Variants in ROBO1 observed in about 807,000 individuals in gnomAD.
ROBO1 encodes roundabout homolog 1.
ROBO1 carries 149 observed loss-of-function variants against 195.9 expected under a neutral mutation model. The ratio of observed to expected loss-of-function variants is 0.76; its 90% CI spans 0.67 to 0.87. The LOEUF (loss-of-function observed/expected upper bound fraction) is 0.87, where lower values mean the gene tolerates loss of function less well. Among genes scored for constraint, ROBO1 ranks in the 40% least tolerant of loss-of-function variants. The pLI is 0.00. For synonymous variants in ROBO1, 816 were observed against 733.2 expected (o/e 1.11, Z -1.82); for missense variants, 1,933 against 2,068.3 (o/e 0.93, Z 1.27).
At chr3:78,718,802 G>A (rs189950117) in intron 5 of ROBO1, among the ~76,000 whole-genome samples, 41 of 141,476 alleles carry the variant, frequency 2.9e-4, no homozygotes, top group African/African-American at 1.1e-3. Flanking sequence ...AAGGAAGGAA[G>A]GAAGGGAGGG....
rs534625201 is a variant in ROBO1, at chr3:79,210,528, T to C, written c.89-84989A>G. 4.6e-5 allele frequency among the ~76,000 whole-genome samples: 7 copies of C among 152,244 alleles called. No homozygotes were observed. The South Asian group carries it at 1.2e-3, about 27-fold the overall frequency. On this transcript the variant is annotated intron_variant, in intron 2 of 30. Coordinates refer to ENST00000464233, the MANE Select transcript of ROBO1 (RefSeq NM_002941.4). ...CTCCAAGTCTTTCTGGGTAACATAG[T>C]TGAAGAACTACAATTTTCAGAGACA...
Position 79,603,039 on chromosome 3 carries a change from G to A in ROBO1, c.-50-13078C>T, listed in dbSNP as rs114740130. ...TAACTACTTCTGAATGTCATTCCTT[G>A]TCATATGCCTGGCCTTTCCCTGTTA... On this transcript the variant is annotated intron_variant, in intron 1 of 30. Transcript: ENST00000464233. Among the ~76,000 whole-genome samples the A allele has an allele frequency of 5.2e-3, 796 of 152,014 alleles. 11 individuals are homozygous for A. The highest frequency in any genetic ancestry group is 0.019 in the African/African-American group (774 of 41,496).
At chr3:79,332,170 T>C (rs866853211) in intron 2 of ROBO1, among the ~76,000 whole-genome samples, 4 of 128,386 alleles carry the variant, frequency 3.1e-5, no homozygotes, top group African/African-American at 1.3e-4. Context: ...AAAAAAAGAA[T>C]GTGACTTTAA....
At chr3:78,878,414 G>A (rs1341577673) in intron 4 of ROBO1, among the ~76,000 whole-genome samples, 1 of 151,706 alleles carries the variant, frequency 6.6e-6, no homozygotes, top group African/African-American at 2.4e-5. Context: ...GGCAAACCCC[G>A]TCTCTACTAG....
chr3:79,610,031 T>C (rs1278039817), intron 1 of ROBO1, among the ~76,000 whole-genome samples: 1 of 151,942 alleles, frequency 6.6e-6, no homozygotes, highest in Non-Finnish European at 1.5e-5. Flanking sequence ...ATCAGTATTC[T>C]AAAATTATAA....
At chr3:79,388,779 C>A (rs1438755830) in intron 2 of ROBO1, among the ~76,000 whole-genome samples, 1 of 152,096 alleles carries the variant, frequency 6.6e-6, no homozygotes, top group Admixed American at 6.6e-5. Flanking sequence ...GGATTCTTCT[C>A]CATCTAGACT....
intron 2 of ROBO1, among the ~76,000 whole-genome samples, chr3:79,551,293 C>T (rs943566629): frequency 1.3e-5 from 2 of 151,636 alleles, no homozygotes; most frequent in African/African-American, 4.8e-5. Flanking sequence ...CCCATTAACT[C>T]GTCATTTAGC....
chr3:79,111,475 C>T (rs577513060), intron 3 of ROBO1, among the ~76,000 whole-genome samples: 12 of 152,248 alleles, frequency 7.9e-5, no homozygotes, highest in South Asian at 6.2e-4. Flanking sequence ...GCTGGACCTG[C>T]CTCGCTTTGG....
intron 4 of ROBO1, among the ~76,000 whole-genome samples, chr3:78,865,292 T>C (rs2035098987): frequency 6.6e-6 from 1 of 152,230 alleles, no homozygotes. Flanking sequence ...ACAGCAATAC[T>C]TCTGTGGTGA....
intron 1 of ROBO1, among the ~76,000 whole-genome samples, chr3:79,660,290 G>T (rs570639270): frequency 6.6e-6 from 1 of 151,792 alleles, no homozygotes; most frequent in Non-Finnish European, 1.5e-5. Flanking sequence ...TAAAATGCCA[G>T]CTCAAAGGCT....
At chr3:79,634,274 G>A (rs1271449696) in intron 1 of ROBO1, among the ~76,000 whole-genome samples, 1 of 152,170 alleles carries the variant, frequency 6.6e-6, no homozygotes, top group Admixed American at 6.6e-5. Flanking sequence ...AGGGAATTTG[G>A]TTGTCAACGG....
intron 8 of ROBO1, among the ~76,000 whole-genome samples, chr3:78,700,936 G>C (rs983751622): frequency 6.6e-6 from 1 of 151,876 alleles, no homozygotes; most frequent in Non-Finnish European, 1.5e-5. Context: ...TCTAATTTTT[G>C]TACTTTTAGT....
intron 1 of ROBO1, among the ~76,000 whole-genome samples, chr3:79,634,924 A>T (rs1945453156): frequency 6.6e-6 from 1 of 152,214 alleles, no homozygotes; most frequent in African/African-American, 2.4e-5. Context: ...AAGAGAAAAT[A>T]ATGAGTTAAT....
At chr3:79,719,100 A>G (rs1404430925) in intron 1 of ROBO1, among the ~76,000 whole-genome samples, 1 of 152,094 alleles carries the variant, frequency 6.6e-6, no homozygotes, top group African/African-American at 2.4e-5. Context: ...GAAAAGTCAA[A>G]AAGATGTAAT....
chr3:79,567,989 C>T (rs1943145402), intron 2 of ROBO1, among the ~76,000 whole-genome samples: 1 of 151,992 alleles, frequency 6.6e-6, no homozygotes. Context: ...AATTAAGTGG[C>T]CCATGACTTC....
chr3:79,144,533 T>C (rs993910742), intron 2 of ROBO1, among the ~76,000 whole-genome samples: 11 of 151,980 alleles, frequency 7.2e-5, no homozygotes, highest in Non-Finnish European at 7.4e-5. Context: ...TCTTTATTCA[T>C]ATGTGCATAG....
intron 3 of ROBO1, among the ~76,000 whole-genome samples, chr3:79,115,069 T>C (rs148135836): frequency 1.2e-4 from 19 of 152,302 alleles, no homozygotes; most frequent in Non-Finnish European, 2.4e-4. Flanking sequence ...TCTTGTGACT[T>C]GGGTCTAGGA....
At chr3:79,232,749 C>T (rs567308500) in intron 2 of ROBO1, among the ~76,000 whole-genome samples, 1 of 152,034 alleles carries the variant, frequency 6.6e-6, no homozygotes, top group Non-Finnish European at 1.5e-5. Flanking sequence ...TGATACAGAG[C>T]CAATGCATCA....
intron 3 of ROBO1, among the ~76,000 whole-genome samples, chr3:79,006,757 G>GAAA (rs11345487): frequency 5.2e-4 from 60 of 115,240 alleles, no homozygotes; most frequent in African/African-American, 1.6e-3. Context: ...CAAAATATCG[G>GAAA]AAAAAAAAAA....
Sources: gnomAD v4.1 joint callset for allele counts (sites outside exome capture counted in the v4.1 genomes callset) on GRCh38, gnomAD v4.1.1 for gene constraint, MANE v1.5 for transcripts, NCBI Gene and HGNC (gene_info 2026-07-23, HGNC 2026-07-21) for gene names.